SLC22A15: variants seen among roughly 807,000 people sequenced by gnomAD.
SLC22A15 encodes solute carrier family 22 member 15, also known as flipt 1.
In SLC22A15, 45 loss-of-function variants were observed where a neutral mutation model predicts 62.7. The observed-to-expected ratio is 0.72, with a 90% confidence interval of 0.56 to 0.92. SLC22A15 has a LOEUF of 0.92. SLC22A15 is among the 40% of genes least tolerant of loss of function. The pLI is 0.00. For synonymous variants in SLC22A15, 264 were observed against 267.0 expected (o/e 0.99, Z 0.11); for missense variants, 622 against 665.6 (o/e 0.93, Z 0.72).
chr1:115,977,878 G>A (rs968543838), intron 1 of SLC22A15, among the ~76,000 whole-genome samples: 2 of 152,270 alleles, frequency 1.3e-5, no homozygotes, highest in Non-Finnish European at 2.9e-5. Context: ...AAAATGTTTG[G>A]AAGTTCAGTT....
rs1658557248 is a variant in SLC22A15, at chr1:116,069,019, T to C, written c.*1911T>C. 1 of 152,224 alleles carries C rather than the reference T, an allele frequency of 6.6e-6. No individual in the cohort carries two copies. Among genetic ancestry groups the C allele is most frequent in the Admixed American group, 6.5e-5 (1 of 15,276 alleles). The allele number at this position is 152,224 out of a possible 1,614,324, so 9.4% of individuals were successfully genotyped here. A position where few individuals can be genotyped will look rare whatever the true frequency, so the allele number is the denominator to read the frequency against. On this transcript the variant is annotated 3_prime_UTR_variant, in exon 12 of 12. Transcript: ENST00000369503. Reference sequence around the variant, plus strand: ...CAACATCGAAAGAAAACCAGTGTTATGACTTTGTTCCATTTGAAGACTAAT... The same window carrying C: ...CAACATCGAAAGAAAACCAGTGTTACGACTTTGTTCCATTTGAAGACTAAT...
chr1:116,047,734 G>A (rs1238356443), intron 8 of SLC22A15, among the ~76,000 whole-genome samples: 4 of 152,134 alleles, frequency 2.6e-5, no homozygotes, highest in Non-Finnish European at 4.4e-5. Flanking sequence ...CTGAACAGCA[G>A]CCTTCAGCCT....
chr1:116,016,641 C>T (rs1656545377), intron 2 of SLC22A15, among the ~76,000 whole-genome samples: 1 of 152,180 alleles, frequency 6.6e-6, no homozygotes, highest in African/African-American at 2.4e-5. Flanking sequence ...TGAGCTTCTT[C>T]ACACAGAACT....
At position 115,976,669 on chromosome 1, in the gene SLC22A15, C is replaced by T. The variant is rs1160122906; in HGVS notation, c.42C>T (p.Gly14=). Residue 14 remains glycine, a synonymous_variant, in exon 1 of 12, where the codon GGC becomes GGT. Coordinates refer to ENST00000369503, the MANE Select transcript of SLC22A15 (RefSeq NM_018420.3). The stretch of plus-strand genomic sequence containing the variant: ...CGTTCCAGGCGGTGGGGGAGATGGG[C>T]ATCTACCAGATGTACTTGTGCTTCC... ...EEAFQAVGEM[G]IYQMYLCFLL... is the part of the protein sequence containing the mutation. 3.8e-6 allele frequency: 6 copies of T among 1,588,620 alleles called. No individual in the cohort carries two copies. In the Admixed American group the frequency reaches 5.2e-5, roughly 14 times the overall value.
chr1:116,063,137 C>G (rs1480506325), intron 9 of SLC22A15, among the ~76,000 whole-genome samples: 3 of 152,206 alleles, frequency 2.0e-5, no homozygotes, highest in Non-Finnish European at 4.4e-5. Context: ...TAGGCATATT[C>G]TGTCACCCAA....
chr1:115,993,199 T>C (rs1655239370), intron 2 of SLC22A15, among the ~76,000 whole-genome samples: 1 of 152,092 alleles, frequency 6.6e-6, no homozygotes, highest in South Asian at 2.1e-4. Flanking sequence ...TACTCTCCTT[T>C]CCTTTGCCTG....
In SLC22A15 at chr1:116,066,579, C is replaced by T. The variant is rs377578857; in HGVS notation, c.1425C>T (p.Gly475=). ...TCGGAGCCACGGGTCTGACCTCCGG[C>T]CTCCTGAGTTTGTTATTGCCGGAGA... The part of the protein sequence containing the change: ...IVFGATGLTS[G]LLSLLLPETL... Residue 475 remains glycine, a synonymous_variant, in exon 11 of 12, where the codon GGC becomes GGT. Coordinates refer to ENST00000369503, the MANE Select transcript of SLC22A15 (RefSeq NM_018420.3). The T allele has an allele frequency of 3.7e-5, 60 of 1,607,794 alleles. No homozygotes were observed. Among genetic ancestry groups the T allele is most frequent in the Non-Finnish European group, 4.8e-5 (57 of 1,177,104 alleles).
intron 9 of SLC22A15, among the ~76,000 whole-genome samples, chr1:116,063,912 G>T (rs372329535): frequency 1.3e-5 from 2 of 151,948 alleles, no homozygotes; most frequent in Admixed American, 6.6e-5. Flanking sequence ...GACAGTACAC[G>T]CTTAGTCAAT....
intron 8 of SLC22A15, among the ~76,000 whole-genome samples, chr1:116,047,428 A>G (rs1397816029): frequency 6.6e-6 from 1 of 152,210 alleles, no homozygotes; most frequent in Non-Finnish European, 1.5e-5. Flanking sequence ...CTCCGTCTCA[A>G]AAAACAAACA....
chr1:116,002,456 G>A (rs1217116751), intron 2 of SLC22A15, among the ~76,000 whole-genome samples: 2 of 152,090 alleles, frequency 1.3e-5, no homozygotes, highest in African/African-American at 4.8e-5. Flanking sequence ...CTGGACCAGG[G>A]TGGGTCTGGA....
intron 7 of SLC22A15, among the ~76,000 whole-genome samples, 159 bp from the exon 8 acceptor site, chr1:116,037,144 G>A (rs1657650695): frequency 6.6e-6 from 1 of 152,126 alleles, no homozygotes; most frequent in South Asian, 2.1e-4. Context: ...TTTATTTTGA[G>A]TCCTAGTCAG....
At chr1:116,047,801 G>C (rs1385355825) in intron 8 of SLC22A15, among the ~76,000 whole-genome samples, 1 of 152,066 alleles carries the variant, frequency 6.6e-6, no homozygotes, top group African/African-American at 2.4e-5. Flanking sequence ...CCAGGAAAAG[G>C]CAAAGCCCAA....
rs4046190 is a variant in SLC22A15, at chr1:115,992,231, C to T, written c.288C>T (p.Ser96=). The T allele has an allele frequency of 0.6, 951,926 of 1,584,586 alleles. 295,054 individuals carry two copies. The highest frequency in any genetic ancestry group is 0.64 in the Non-Finnish European group (747,192 of 1,164,808). The change falls in exon 2 of 12, where the codon TCC becomes TCT. Residue 96 remains serine, a synonymous_variant. Coordinates refer to ENST00000369503, the MANE Select transcript of SLC22A15 (RefSeq NM_018420.3). ...KHVHFSSSFT[S]IASEWFLIAN... ...TGCATTTCAGCAGCAGCTTCACCTC[C>T]ATCGCCTCGGAGGTAACAACAGGCT...
chr1:116,056,622 A>G (rs1478090066), intron 8 of SLC22A15, among the ~76,000 whole-genome samples: 8 of 151,852 alleles, frequency 5.3e-5, no homozygotes, highest in African/African-American at 1.2e-4. Flanking sequence ...AAAAGAACAA[A>G]GCTGGAGGCA....
intron 2 of SLC22A15, among the ~76,000 whole-genome samples, chr1:116,016,808 C>T (rs574995856): frequency 5.3e-5 from 8 of 152,258 alleles, no homozygotes; most frequent in African/African-American, 1.9e-4. Context: ...GACAGTCCTG[C>T]CTTCAAAATA....
intron 2 of SLC22A15, among the ~76,000 whole-genome samples, chr1:116,011,545 C>T (rs1656257400): frequency 6.6e-6 from 1 of 152,122 alleles, no homozygotes; most frequent in Admixed American, 6.5e-5. Context: ...AATAATTCAG[C>T]AAATAATTAA....
intron 1 of SLC22A15, among the ~76,000 whole-genome samples, chr1:115,977,813 A>G (rs1654391546): frequency 1.3e-5 from 2 of 152,234 alleles, no homozygotes; most frequent in South Asian, 2.1e-4. Context: ...TAAAGCTTGC[A>G]TAAGACAGTG....
Position 116,067,905 on chromosome 1 carries a change from C to T in SLC22A15, c.*797C>T, listed in dbSNP as rs1474082650. 6.6e-6 allele frequency: 1 copy of T among 151,948 alleles called. No homozygotes were observed. The highest frequency in any genetic ancestry group is 2.4e-5 in the African/African-American group (1 of 41,376). The allele number at this position is 151,948 out of a possible 1,614,324, so 9.4% of individuals were successfully genotyped here. On this transcript the variant is annotated 3_prime_UTR_variant, in exon 12 of 12. Coordinates refer to ENST00000369503, the MANE Select transcript of SLC22A15 (RefSeq NM_018420.3). ...ATTTCCATCTGAGATTCTAGTACTT[C>T]AAAATCATGCATAGTAAATGAGAAA... is the stretch of plus-strand genomic sequence containing the variant.
At chr1:115,992,279 C>T (rs1240546378) in intron 2 of SLC22A15, 36 bp downstream of exon 2, 2 of 1,494,018 alleles carry the variant, frequency 1.3e-6, no homozygotes, top group Non-Finnish European at 1.8e-6. Context: ...AAATAAATGT[C>T]TCTCTTTGTC....
Sources: gnomAD v4.1 joint callset for allele counts (sites outside exome capture counted in the v4.1 genomes callset) on GRCh38, gnomAD v4.1.1 for gene constraint, MANE v1.5 for transcripts, NCBI Gene and HGNC (gene_info 2026-07-23, HGNC 2026-07-21) for gene names.